The following MRPS22 variants were observed in gnomAD, a reference collection of about 807,000 sequenced individuals.
MRPS22 encodes mitochondrial ribosomal protein S22.
MRPS22 carries 30 observed loss-of-function variants against 44.0 expected under a neutral mutation model. The observed-to-expected ratio is 0.68, with a 90% CI of 0.51 to 0.93. MRPS22 has a LOEUF of 0.93. MRPS22 is among the 40% of genes least tolerant of loss of function. MRPS22 has a pLI of 0.00. For missense variants in MRPS22, 447 were observed against 447.8 expected, an observed-to-expected ratio of 1.00 and a Z score of 0.02; for synonymous variants, 165 against 154.4, an observed-to-expected ratio of 1.07 and a Z score of -0.51.
rs372605627 is a variant in MRPS22 at position 139,352,749 on chromosome 3, A to G, written c.835A>G (p.Lys279Glu). 5.6e-6 allele frequency: 9 copies of G among 1,613,794 alleles called. No homozygotes were observed. Among genetic ancestry groups the G allele is most frequent in the Non-Finnish European group, 7.6e-6 (9 of 1,179,772 alleles). Residue 279 changes from lysine to glutamate, a missense_variant, in exon 6 of 8, where the codon AAA becomes GAA. Physicochemically the swap from Lys to Glu is moderately conservative, Grantham distance 56. Transcript: ENST00000680020. ...AATGGTGTGGTATTTTGTAAATAATAAAAAGATTGATGGTTTGCTGATTGA... is the reference window on the plus strand; with the variant it reads ...AATGGTGTGGTATTTTGTAAATAATGAAAAGATTGATGGTTTGCTGATTGA... The part of the protein sequence containing the change: ...GGMVWYFVNN[K>E]KIDGLLIDQI...
chr3:139,347,145 A>T (rs1411138196), intron 2 of MRPS22, 101 bp downstream of exon 2: 1 of 1,358,764 alleles, frequency 7.4e-7, no homozygotes, highest in African/African-American at 1.4e-5. Flanking sequence ...TTCCATAGGC[A>T]CTAGTGAAAG....
rs57309825 is a variant in MRPS22, at chr3:139,356,757, TATTA to T, written c.988-157_988-154del. On this transcript the variant is annotated intron_variant, in intron 7 of 7. Coordinates refer to ENST00000680020, the MANE Select transcript of MRPS22 (RefSeq NM_020191.4). ...TATTGTTTTTCTGTCCATGTGTGTT[TATTA>T]ATTATTGTATAATCGGGGGAAAAAT... Among the ~76,000 whole-genome samples the T allele has an allele frequency of 0.075, 11,481 of 152,224 alleles. 482 individuals are homozygous for T. The highest frequency in any genetic ancestry group is 0.13 in the Middle Eastern group (39 of 294).
intron 3 of MRPS22, chr3:139,349,247 T>A: frequency 2.3e-6 from 1 of 434,264 alleles, no homozygotes; most frequent in Non-Finnish European, 4.5e-6. Context: ...AACTTGGAAT[T>A]CAGGTTTCTC....
chr3:139,344,596 G>T, intron 1 of MRPS22: 1 of 637,828 alleles, frequency 1.6e-6, no homozygotes, highest in South Asian at 1.8e-5. Flanking sequence ...TGGCAAATAT[G>T]ACCAAAGCTG....
At chr3:139,354,293 C>CT (rs1941204973) in intron 6 of MRPS22, among the ~76,000 whole-genome samples, 1 of 152,074 alleles carries the variant, frequency 6.6e-6, no homozygotes, top group African/African-American at 2.4e-5. Context: ...TTTATTTGCT[C>CT]TTTAAGTATG....
At chr3:139,350,893 G>A in intron 4 of MRPS22, 84 bp from the exon 5 acceptor site, 1 of 1,011,280 alleles carries the variant, frequency 9.9e-7, no homozygotes, top group East Asian at 2.4e-5. Flanking sequence ...GCCAGTATGT[G>A]GGTGGGCAGG....
chr3:139,353,861 TAA>T (rs1941196611), intron 6 of MRPS22, among the ~76,000 whole-genome samples: 1 of 152,228 alleles, frequency 6.6e-6, no homozygotes, highest in African/African-American at 2.4e-5. Flanking sequence ...TTTCCACTTA[TAA>T]AGTTTCTTGA....
intron 3 of MRPS22, among the ~76,000 whole-genome samples, chr3:139,348,660 C>A (rs1427636073): frequency 6.6e-6 from 1 of 152,172 alleles, no homozygotes; most frequent in African/African-American, 2.4e-5. Flanking sequence ...AGACTCTTTT[C>A]GCCTAAGTTA....
At chr3:139,344,257 C>T (rs1940993709) in intron 1 of MRPS22, 59 bp downstream of exon 1, 14 of 1,542,198 alleles carry the variant, frequency 9.1e-6, no homozygotes, top group Non-Finnish European at 1.1e-5. Flanking sequence ...GATCCTGTTT[C>T]TGGCAGGCGA....
At chr3:139,356,759 T>C (rs1258666559) in intron 7 of MRPS22, among the ~76,000 whole-genome samples, 160 bp from the exon 8 acceptor site, 1 of 130,158 alleles carries the variant, frequency 7.7e-6, no homozygotes, top group East Asian at 2.1e-4. Flanking sequence ...TGTGTGTTTA[T>C]TAATTATTGT....
intron 3 of MRPS22, chr3:139,349,369 T>C: frequency 2.2e-6 from 1 of 446,040 alleles, no homozygotes; most frequent in South Asian, 1.6e-5. Flanking sequence ...AGAACACATT[T>C]AGAGACTCCT....
chr3:139,352,692 G>T lies in MRPS22; in HGVS notation c.778G>T (p.Asp260Tyr). The change falls in exon 6 of 8, where the codon GAC becomes TAC. Residue 260 changes from aspartate (D) to tyrosine (Y), a missense_variant. Transcript: ENST00000680020. Reference protein sequence around the residue: ...YEDIDKRGKYDLLRSTRYFGG... With the variant: ...YEDIDKRGKYYLLRSTRYFGG... ...AGATATAGATAAACGTGGAAAATATGACCTTTTACGTTCAACAAGATACTT... is the reference window on the plus strand; with the variant it reads ...AGATATAGATAAACGTGGAAAATATTACCTTTTACGTTCAACAAGATACTT... The T allele has an allele frequency of 6.2e-7, 1 of 1,613,314 alleles. No individual in the cohort carries two copies. Among genetic ancestry groups the T allele is most frequent in the South Asian group, 1.1e-5 (1 of 91,036 alleles).
chr3:139,356,045 G>A (rs1484261573), intron 7 of MRPS22, among the ~76,000 whole-genome samples: 1 of 152,182 alleles, frequency 6.6e-6, no homozygotes, highest in Non-Finnish European at 1.5e-5. Context: ...AGTTCTGACA[G>A]TGCAGGGAGC....
intron 1 of MRPS22, among the ~76,000 whole-genome samples, chr3:139,345,471 A>G (rs1399072924): frequency 7.0e-6 from 1 of 142,868 alleles, no homozygotes; most frequent in Non-Finnish European, 1.5e-5. Context: ...TTTTTTGTAA[A>G]ATTGGGATAA....
At chr3:139,348,040 G>T in intron 2 of MRPS22, 120 bp from the exon 3 acceptor site, 1 of 1,055,358 alleles carries the variant, frequency 9.5e-7, no homozygotes, top group Non-Finnish European at 1.4e-6. Context: ...TCACTGATTT[G>T]TGGCTACACC....
intron 4 of MRPS22, 83 bp from the exon 5 acceptor site, chr3:139,350,894 G>A (rs1320067869): frequency 1.9e-6 from 2 of 1,028,360 alleles, no homozygotes; most frequent in Admixed American, 1.7e-5. Flanking sequence ...CCAGTATGTG[G>A]GTGGGCAGGC....
At chr3:139,344,258 T>C (rs969915260) in intron 1 of MRPS22, 60 bp downstream of exon 1, 1 of 1,542,336 alleles carries the variant, frequency 6.5e-7, no homozygotes, top group East Asian at 2.4e-5. Context: ...ATCCTGTTTC[T>C]GGCAGGCGAA....
chr3:139,350,528 A>C (rs980930828), intron 4 of MRPS22: 2 of 557,826 alleles, frequency 3.6e-6, no homozygotes, highest in Non-Finnish European at 6.3e-6. Flanking sequence ...TCTGGTTTCA[A>C]GTGATTCTTC....
Position 139,350,217 on chromosome 3 carries a change from ACG to A in MRPS22, c.545_546del (p.Arg182GlnfsTer21), listed in dbSNP as rs1363465577. On this transcript the variant is annotated frameshift_variant, in exon 4 of 8. Transcript: ENST00000680020. LOFTEE classifies it high-confidence loss of function. ...TCGTCAGAGAACCAAGTGGCACACT[ACG>A]CAAAGCCTCTTGGGAAGAACGGGAC... Reference protein sequence around the residue: ...IVVREPSGTLRKASWEERDRM... With the variant: ...IVVREPSGTLXKASWEERDRM... The A allele has an allele frequency of 1.2e-6, 2 of 1,614,186 alleles. No individual in the cohort carries two copies. The highest frequency in any genetic ancestry group is 1.7e-6 in the Non-Finnish European group (2 of 1,180,012).
Sources: allele counts gnomAD v4.1 joint callset (sites outside exome capture counted in the v4.1 genomes callset), GRCh38; gene constraint gnomAD v4.1.1; transcripts MANE v1.5; gene names NCBI Gene and HGNC (gene_info 2026-07-23, HGNC 2026-07-21).